The following NTSR2 variants were observed in gnomAD, a reference collection of about 807,000 sequenced individuals.
NTSR2 encodes the protein neurotensin receptor 2.
In NTSR2, 22 loss-of-function variants were observed where a neutral mutation model predicts 24.1. The ratio of observed to expected loss-of-function variants is 0.91; its 90% confidence interval spans 0.65 to 1.30. The LOEUF is 1.30. NTSR2 is among the 50% of genes most tolerant of loss of function. NTSR2 has a pLI of 0.00. For missense variants in NTSR2, 570 were observed against 570.4 expected (o/e 1.00, Z 0.01); for synonymous variants, 291 against 267.0 (o/e 1.09, Z -0.88).
chr2:11,658,805 C>T, intron 3 of NTSR2, 83 bp from the exon 4 acceptor site: 5 of 1,478,664 alleles, frequency 3.4e-6, no homozygotes, highest in Non-Finnish European at 4.6e-6. Flanking sequence ...TGCCTCTCCT[C>T]CAGAGGGCTG....
At chr2:11,663,502 C>T (rs1328415433) in intron 1 of NTSR2, among the ~76,000 whole-genome samples, 1 of 151,768 alleles carries the variant, frequency 6.6e-6, no homozygotes, top group Non-Finnish European at 1.5e-5. Flanking sequence ...AAATGAACTA[C>T]AAATAGGTAC....
rs141305707 is a variant in NTSR2 at position 11,660,587 on chromosome 2, A to G, written c.899-454T>C. ...TTGAGACCAGCCTGGCTAACAGGAC[A>G]AAAATTAGCCAGGTGTGGTGGCAGG... On this transcript the variant is annotated intron_variant, in intron 2 of 3. Coordinates refer to ENST00000306928, the MANE Select transcript of NTSR2 (RefSeq NM_012344.4). Among the ~76,000 whole-genome samples, 50 of 152,208 alleles carry G rather than the reference A, an allele frequency of 3.3e-4. 1 individual carries two copies. The highest frequency in any genetic ancestry group is 4.1e-4 in the African/African-American group (17 of 41,528).
At position 11,669,644 on chromosome 2, in the gene NTSR2, G is replaced by A; in HGVS notation, c.486C>T (p.Ala162=). Residue 162 remains alanine (A), a synonymous_variant, in exon 1 of 4, where the codon GCC becomes GCT. Coordinates refer to ENST00000306928, the MANE Select transcript of NTSR2 (RefSeq NM_012344.4). ...CCATGGGCAGGGCGAGGCCGAGCGA[G>A]GCGGCCCACGAGAGCGCCACCAGCC... The part of the protein sequence containing the change: ...TRWLVALSWA[A]SLGLALPMAV... The A allele has an allele frequency of 6.4e-7, 1 of 1,558,446 alleles. No homozygotes were observed.
intron 1 of NTSR2, among the ~76,000 whole-genome samples, chr2:11,668,397 A>G (rs1027481710): frequency 2.6e-5 from 4 of 152,190 alleles, no homozygotes; most frequent in African/African-American, 7.2e-5. Flanking sequence ...ATCTGCAGGA[A>G]GCAGCTTAAC....
chr2:11,661,863 T>G, intron 2 of NTSR2, 104 bp downstream of exon 2: 27 of 1,086,914 alleles, frequency 2.5e-5, no homozygotes, highest in Non-Finnish European at 3.6e-5. Flanking sequence ...AAGGAAGCCT[T>G]GAGAGAGGTA....
At chr2:11,666,964 AG>A (rs1386281693) in intron 1 of NTSR2, among the ~76,000 whole-genome samples, 3 of 151,524 alleles carry the variant, frequency 2.0e-5, no homozygotes, top group Non-Finnish European at 3.0e-5. Context: ...AAAGGAAAGA[AG>A]GTGAACGTTT....
chr2:11,658,372 G>T lies in NTSR2; in HGVS notation c.*107C>A. ...AGCAGAGCAGGGGTTGATAGAAGTCGCCCTGGCTGCGAAGCTTGAATGATT... is the reference window on the plus strand; with the variant it reads ...AGCAGAGCAGGGGTTGATAGAAGTCTCCCTGGCTGCGAAGCTTGAATGATT... On this transcript the variant is annotated 3_prime_UTR_variant, in exon 4 of 4. Transcript: ENST00000306928. 4 of 1,460,026 alleles carry T rather than the reference G, an allele frequency of 2.7e-6. No individual in the cohort carries two copies. The highest frequency in any genetic ancestry group is 4.6e-5 in the East Asian group (2 of 43,800). The allele number at this position is 1,460,026 out of a possible 1,614,324, so 90.4% of individuals were successfully genotyped here.
intron 1 of NTSR2, among the ~76,000 whole-genome samples, chr2:11,666,577 T>A (rs548473114): frequency 1.2e-4 from 19 of 152,214 alleles, no homozygotes; most frequent in African/African-American, 4.6e-4. Context: ...CACGTGCCTG[T>A]AGTCTCAGCT....
At chr2:11,659,757 G>A (rs577905526) in intron 3 of NTSR2, among the ~76,000 whole-genome samples, 81 of 152,310 alleles carry the variant, frequency 5.3e-4, no homozygotes, top group Admixed American at 9.8e-4. Flanking sequence ...AGCATGGCCC[G>A]TGCTCCCTCT....
intron 1 of NTSR2, among the ~76,000 whole-genome samples, chr2:11,667,001 A>G (rs142008227): frequency 1.1e-4 from 17 of 152,232 alleles, no homozygotes; most frequent in African/African-American, 3.9e-4. Flanking sequence ...TATTCTGGGC[A>G]ATTCCACATG....
At chr2:11,661,423 C>T (rs1256577695) in intron 2 of NTSR2, among the ~76,000 whole-genome samples, 1 of 152,172 alleles carries the variant, frequency 6.6e-6, no homozygotes, top group Admixed American at 6.5e-5. Flanking sequence ...GAGGGCCTGT[C>T]TTGTACTTGA....
At chr2:11,669,460 G>GGGGGGGGGCGGGGGCCC in intron 1 of NTSR2, 46 bp downstream of exon 1, 1 of 254,726 alleles carries the variant, frequency 3.9e-6, no homozygotes, top group Non-Finnish European at 6.9e-6. Flanking sequence ...TCCCAGCACC[G>GGGGGGGGGCGGGGGCCC]CCCCCCCACC....
chr2:11,669,541 G>C lies in NTSR2; in HGVS notation c.589C>G (p.Leu197Val), dbSNP rs774566763. ...PEPASRVCTV[L>V]VSRTALQVFI... ...ACTTGGAGCGCGGTGCGGCTCACCA[G>C]CACCGTGCACACTCGCGAGGCGGGC... The change falls in exon 1 of 4, where the codon CTG (leucine) becomes GTG (valine). Residue 197 changes from leucine to valine, a missense_variant. Leu to Val is a conservative substitution (Grantham distance 32, BLOSUM62 1). Transcript: ENST00000306928. 43 of 1,420,994 alleles carry C rather than the reference G, an allele frequency of 3.0e-5. No homozygotes were observed. Among genetic ancestry groups the C allele is most frequent in the Middle Eastern group, 1.9e-4 (1 of 5,130 alleles). The allele number at this position is 1,420,994 out of a possible 1,614,324, so 88.0% of individuals were successfully genotyped here. A position where few individuals can be genotyped will look rare whatever the true frequency, so the allele number is the denominator to read the frequency against.
At position 11,661,957 on chromosome 2, in the gene NTSR2, A is replaced by G. The variant is rs752392554; in HGVS notation, c.898+10T>C. The G allele has an allele frequency of 1.3e-6, 2 of 1,551,318 alleles. No homozygotes were observed. The highest frequency in any genetic ancestry group is 2.3e-5 in the East Asian group (1 of 42,958). On this transcript the variant is annotated intron_variant, in intron 2 of 3. Coordinates refer to ENST00000306928, the MANE Select transcript of NTSR2 (RefSeq NM_012344.4). ...CCTTTCTTCTGGGGTGATGTTACAG[A>G]GGACTTAACTGAGAACCTGGACGCT...
Position 11,662,150 on chromosome 2 carries a change from G to A in NTSR2, c.715C>T (p.Gln239Ter). Residue 239 changes from glutamine to a stop codon, truncating the protein, a stop_gained, in exon 2 of 4, where the codon CAA becomes TAA. Transcript: ENST00000306928. LOFTEE classifies it high-confidence loss of function. The part of the protein sequence containing the change: ...TVSHLLALCS[Q>*]VPSTSTPGSS... The stretch of plus-strand genomic sequence containing the variant: ...CCCGGGGTAGAAGTGGACGGCACTT[G>A]GGAGCAGAGGGCCAGCAGGTGGCTC... The A allele has an allele frequency of 6.2e-7, 1 of 1,603,592 alleles. No individual in the cohort carries two copies. The highest frequency in any genetic ancestry group is 8.5e-7 in the Non-Finnish European group (1 of 1,175,012).
rs763699599 is a variant in NTSR2 at position 11,669,557 on chromosome 2, C to T, written c.573G>A (p.Ser191=). 4 of 1,556,386 alleles carry T rather than the reference C, an allele frequency of 2.6e-6. No individual in the cohort carries two copies. Among genetic ancestry groups the T allele is most frequent in the South Asian group, 1.2e-5 (1 of 84,052 alleles). ...GGCTCACCAGCACCGTGCACACTCG[C>T]GAGGCGGGCTCCGGCTCCCCGTCCG... is the stretch of plus-strand genomic sequence containing the variant. The part of the protein sequence containing the change: ...ETADGEPEPA[S]RVCTVLVSRT... Residue 191 remains serine, a synonymous_variant, in exon 1 of 4, where the codon TCG becomes TCA. Transcript: ENST00000306928.
intron 1 of NTSR2, 47 bp downstream of exon 1, chr2:11,669,459 C>CGGGGGGCGG: frequency 3.0e-6 from 1 of 337,894 alleles, no homozygotes; most frequent in Non-Finnish European, 5.3e-6. Flanking sequence ...CTCCCAGCAC[C>CGGGGGGCGG]GCCCCCCCAC....
intron 1 of NTSR2, among the ~76,000 whole-genome samples, chr2:11,662,759 C>G (rs148599526): frequency 1.3e-5 from 2 of 151,858 alleles, no homozygotes; most frequent in African/African-American, 4.8e-5. Context: ...CCAGCCTGGG[C>G]AACAGAGCGA....
At chr2:11,669,437 G>T in intron 1 of NTSR2, 69 bp downstream of exon 1, 3 of 924,330 alleles carry the variant, frequency 3.2e-6, no homozygotes, top group South Asian at 3.0e-5. Flanking sequence ...CCCGGGGAGA[G>T]GGGGTTCCCT....
Sources: gnomAD v4.1 joint callset for allele counts (sites outside exome capture counted in the v4.1 genomes callset) on GRCh38, gnomAD v4.1.1 for gene constraint, MANE v1.5 for transcripts, NCBI Gene and HGNC (gene_info 2026-07-23, HGNC 2026-07-21) for gene names.